Variants in GRIA4 observed in about 807,000 individuals in gnomAD.
GRIA4 encodes glutamate ionotropic receptor AMPA type subunit 4, also known as glutamate receptor 4.
Under a neutral mutation model 104.0 loss-of-function variants are expected in GRIA4, and 34 were observed. The observed-to-expected ratio is 0.33, with a 90% CI of 0.25 to 0.44. GRIA4 has a LOEUF of 0.44. Ranked by LOEUF, GRIA4 falls within the 20% of genes least tolerant of loss-of-function variation. The probability of loss-of-function intolerance (pLI) is 1.00; values close to 1 mark genes in which losing one functional copy is unlikely to be tolerated. For missense variants in GRIA4, 750 were observed against 1,096.5 expected (o/e 0.68, Z 4.46); for synonymous variants, 386 against 381.9 (o/e 1.01, Z -0.13).
intron 3 of GRIA4, among the ~76,000 whole-genome samples, chr11:105,711,205 T>A (rs569365422): frequency 7.5e-4 from 114 of 152,196 alleles, no homozygotes; most frequent in Non-Finnish European, 1.3e-3. Flanking sequence ...AAATATTTTT[T>A]AAAAATTATT....
chr11:105,844,116 G>T (rs1944491154), intron 4 of GRIA4, among the ~76,000 whole-genome samples: 1 of 151,960 alleles, frequency 6.6e-6, no homozygotes, highest in Admixed American at 6.6e-5. Flanking sequence ...AAATTGTCTT[G>T]GTAGCTATGA....
At chr11:105,627,254 A>G (rs1224035759) in intron 3 of GRIA4, among the ~76,000 whole-genome samples, 2 of 152,224 alleles carry the variant, frequency 1.3e-5, no homozygotes, top group South Asian at 2.1e-4. Context: ...ATGACATTGG[A>G]GAACGATAAT....
At chr11:105,759,102 G>A (rs1446003116) in intron 4 of GRIA4, among the ~76,000 whole-genome samples, 1 of 151,928 alleles carries the variant, frequency 6.6e-6, no homozygotes, top group Non-Finnish European at 1.5e-5. Context: ...GTCACTTTGT[G>A]TTTTATATAA....
intron 3 of GRIA4, among the ~76,000 whole-genome samples, chr11:105,684,241 A>G (rs1349526065): frequency 1.3e-5 from 2 of 152,154 alleles, no homozygotes; most frequent in Admixed American, 1.3e-4. Context: ...TAACAGAAGT[A>G]TGATCGTGTT....
chr11:105,898,472 T>C, intron 7 of GRIA4, 45 bp downstream of exon 7: 1 of 1,164,172 alleles, frequency 8.6e-7, no homozygotes, highest in Non-Finnish European at 1.2e-6. Context: ...AGTTTCAAAA[T>C]TTAAGATGAA....
At chr11:105,936,736 GACT>G (rs929420632) in intron 14 of GRIA4, among the ~76,000 whole-genome samples, 4 of 152,108 alleles carry the variant, frequency 2.6e-5, no homozygotes, top group Non-Finnish European at 5.9e-5. Flanking sequence ...ATTTAATGCA[GACT>G]TTAAAACAAA....
intron 3 of GRIA4, among the ~76,000 whole-genome samples, chr11:105,678,563 T>C (rs774694088): frequency 6.6e-6 from 1 of 152,102 alleles, no homozygotes. Context: ...TCTACACTTA[T>C]TTAAGCAATC....
intron 6 of GRIA4, among the ~76,000 whole-genome samples, chr11:105,888,836 C>T (rs138504151): frequency 2.0e-5 from 3 of 152,060 alleles, no homozygotes; most frequent in East Asian, 1.9e-4. Flanking sequence ...TATAATCTTG[C>T]GACTTAATGG....
intron 4 of GRIA4, among the ~76,000 whole-genome samples, chr11:105,816,611 C>T (rs1299795647): frequency 5.3e-5 from 8 of 152,152 alleles, no homozygotes; most frequent in Non-Finnish European, 1.2e-4. Context: ...TACCCAGTCT[C>T]AGATATTTCT....
chr11:105,661,254 T>C (rs775078376), intron 3 of GRIA4, among the ~76,000 whole-genome samples: 3 of 151,606 alleles, frequency 2.0e-5, no homozygotes, highest in African/African-American at 7.3e-5. Flanking sequence ...ATTACAGTAA[T>C]AAGTTATGCC....
rs929468318 is a variant in GRIA4 at position 105,792,045 on chromosome 11, G to A, written c.487+38825G>A. 2.0e-5 allele frequency among the ~76,000 whole-genome samples: 3 copies of A among 152,010 alleles called. 1 individual carries two copies. The highest frequency in any genetic ancestry group is 7.2e-5 in the African/African-American group (3 of 41,406). On this transcript the variant is annotated intron_variant, in intron 4 of 16. Transcript: ENST00000282499. ...AGGTAGCTGAATTCTTTTAAAATAT[G>A]TTTTATAAATGCCACATGTCAAAGA...
chr11:105,908,601 AT>A (rs1947124883), intron 9 of GRIA4, among the ~76,000 whole-genome samples: 1 of 147,308 alleles, frequency 6.8e-6, no homozygotes, highest in Non-Finnish European at 1.5e-5. Context: ...AGAATTGCAT[AT>A]AGGTATAAGG....
At chr11:105,699,240 A>G (rs1953397149) in intron 3 of GRIA4, among the ~76,000 whole-genome samples, 1 of 152,174 alleles carries the variant, frequency 6.6e-6, no homozygotes, top group Non-Finnish European at 1.5e-5. Flanking sequence ...CTGCAAATAG[A>G]GCAGGAAGAG....
chr11:105,839,539 A>G (rs572694554), intron 4 of GRIA4, among the ~76,000 whole-genome samples: 1 of 151,318 alleles, frequency 6.6e-6, no homozygotes, highest in East Asian at 1.9e-4. Flanking sequence ...TACAAAACAC[A>G]TATTTCTGTG....
At chr11:105,921,107 G>C (rs1246641056) in intron 11 of GRIA4, among the ~76,000 whole-genome samples, 1 of 152,066 alleles carries the variant, frequency 6.6e-6, no homozygotes, top group African/African-American at 2.4e-5. Context: ...TGCAAACTTT[G>C]TTGCTATAAT....
chr11:105,737,830 T>C (rs377491277), intron 3 of GRIA4, among the ~76,000 whole-genome samples: 210 of 152,258 alleles, frequency 1.4e-3, no homozygotes, highest in African/African-American at 4.7e-3. Context: ...TATTGTTCTT[T>C]CACCACTTAG....
At chr11:105,691,410 A>G (rs369883624) in intron 3 of GRIA4, among the ~76,000 whole-genome samples, 15 of 152,326 alleles carry the variant, frequency 9.8e-5, no homozygotes, top group South Asian at 4.1e-4. Flanking sequence ...TACTTTGTAC[A>G]CTTTAGCCAT....
chr11:105,741,147 C>A (rs945213998), intron 3 of GRIA4, among the ~76,000 whole-genome samples: 12 of 152,000 alleles, frequency 7.9e-5, no homozygotes, highest in Non-Finnish European at 7.4e-5. Context: ...AAGATTTTCT[C>A]ATGTGTTAGA....
At chr11:105,765,030 CA>C (rs1368200364) in intron 4 of GRIA4, among the ~76,000 whole-genome samples, 1 of 151,990 alleles carries the variant, frequency 6.6e-6, no homozygotes, top group Non-Finnish European at 1.5e-5. Context: ...AGTACATGAC[CA>C]AATTTGTACT....
Sources: gnomAD v4.1 joint callset for allele counts (sites outside exome capture counted in the v4.1 genomes callset) on GRCh38, gnomAD v4.1.1 for gene constraint, MANE v1.5 for transcripts, NCBI Gene and HGNC (gene_info 2026-07-23, HGNC 2026-07-21) for gene names.